The following B3GALT1 variants were observed in gnomAD, a reference collection of about 807,000 sequenced individuals.
The protein encoded by B3GALT1 is UDP-Gal:betaGlcNAc beta 1,3-galactosyltransferase, polypeptide 1.
In B3GALT1, 10 loss-of-function variants were observed where a neutral mutation model predicts 23.2. The observed-to-expected ratio is 0.43, with a 90% CI of 0.27 to 0.73. B3GALT1 has a LOEUF of 0.73. B3GALT1 is among the 30% of genes least tolerant of loss of function. The pLI is 0.21. For synonymous variants in B3GALT1, 156 were observed against 141.5 expected (o/e 1.10, Z -0.73); for missense variants, 299 against 405.4 (o/e 0.74, Z 2.25).
chr2:167,556,748 A>G (rs1055980492), intron 2 of B3GALT1, among the ~76,000 whole-genome samples: 1 of 152,202 alleles, frequency 6.6e-6, no homozygotes, highest in Non-Finnish European at 1.5e-5. Context: ...CGTTCACTGC[A>G]ACTTCATAGA....
At chr2:167,402,983 C>T (rs534717389) in intron 1 of B3GALT1, among the ~76,000 whole-genome samples, 6 of 151,226 alleles carry the variant, frequency 4.0e-5, no homozygotes, top group African/African-American at 1.2e-4. Flanking sequence ...ATTGCATTCA[C>T]CTCTAAATAA....
At chr2:167,415,873 T>A (rs750822210) in intron 1 of B3GALT1, among the ~76,000 whole-genome samples, 6 of 152,164 alleles carry the variant, frequency 3.9e-5, no homozygotes, top group Admixed American at 6.5e-5. Flanking sequence ...TGAATTAGGA[T>A]ATCTGATGGA....
chr2:167,476,314 C>T (rs1201780936), intron 1 of B3GALT1, among the ~76,000 whole-genome samples: 2 of 152,114 alleles, frequency 1.3e-5, no homozygotes, highest in Admixed American at 1.3e-4. Flanking sequence ...AGATTTGGGA[C>T]AGCTAAAAGT....
At chr2:167,351,102 CTA>C (rs1231602861) in intron 1 of B3GALT1, among the ~76,000 whole-genome samples, 1 of 151,984 alleles carries the variant, frequency 6.6e-6, no homozygotes, top group Non-Finnish European at 1.5e-5. Flanking sequence ...AACCCTGTCT[CTA>C]TTAAAAATAT....
chr2:167,551,818 A>G (rs571571050), intron 2 of B3GALT1, among the ~76,000 whole-genome samples: 17 of 152,162 alleles, frequency 1.1e-4, no homozygotes, highest in African/African-American at 3.9e-4. Flanking sequence ...ACCGAAGTAG[A>G]TATGTGAGAA....
chr2:167,457,797 G>A (rs192615966), intron 1 of B3GALT1, among the ~76,000 whole-genome samples: 1 of 152,126 alleles, frequency 6.6e-6, no homozygotes, highest in Admixed American at 6.5e-5. Context: ...AGCAGCACCG[G>A]CAGCACCTGA....
In B3GALT1 at chr2:167,351,355, T is replaced by C. The variant is rs139041612; in HGVS notation, c.-511+58021T>C. On this transcript the variant is annotated intron_variant, in intron 1 of 4. Transcript: ENST00000392690. Reference sequence around the variant, plus strand: ...AGTTTTGTCCTACTGGAGGTGTTTTTGTACAATCTTTCTTACAAGTTCTCC... The same window carrying C: ...AGTTTTGTCCTACTGGAGGTGTTTTCGTACAATCTTTCTTACAAGTTCTCC... 2.7e-3 allele frequency among the ~76,000 whole-genome samples: 407 copies of C among 152,282 alleles called. 3 individuals are homozygous for C. The highest frequency in any genetic ancestry group is 9.3e-3 in the African/African-American group (388 of 41,558).
chr2:167,840,866 G>A (rs1245073532), intron 4 of B3GALT1, among the ~76,000 whole-genome samples: 129 of 147,746 alleles, frequency 8.7e-4, no homozygotes, highest in Non-Finnish European at 1.6e-3. Context: ...ATGAGTTCAT[G>A]TCCTTTGTAG....
At chr2:167,403,838 A>G (rs1698232509) in intron 1 of B3GALT1, among the ~76,000 whole-genome samples, 1 of 152,108 alleles carries the variant, frequency 6.6e-6, no homozygotes, top group South Asian at 2.1e-4. Context: ...CATGATCTTT[A>G]AAAATAGTGT....
chr2:167,740,570 A>G (rs1246260343), intron 3 of B3GALT1, among the ~76,000 whole-genome samples: 1 of 152,216 alleles, frequency 6.6e-6, no homozygotes, highest in Non-Finnish European at 1.5e-5. Context: ...TACTTGGCAA[A>G]TGCATTATAG....
intron 3 of B3GALT1, among the ~76,000 whole-genome samples, chr2:167,755,226 C>A (rs577399862): frequency 6.6e-6 from 1 of 151,938 alleles, no homozygotes; most frequent in Non-Finnish European, 1.5e-5. Flanking sequence ...AAGTAGGATA[C>A]GGATTAAAAT....
At chr2:167,358,706 A>G (rs1697455549) in intron 1 of B3GALT1, among the ~76,000 whole-genome samples, 1 of 152,184 alleles carries the variant, frequency 6.6e-6, no homozygotes. Flanking sequence ...AACACTGTAC[A>G]ATGTAATGTG....
intron 2 of B3GALT1, among the ~76,000 whole-genome samples, chr2:167,589,271 A>G (rs1213571692): frequency 6.6e-6 from 1 of 152,120 alleles, no homozygotes; most frequent in African/African-American, 2.4e-5. Flanking sequence ...AATATGTTAG[A>G]TATGTTTCTT....
At chr2:167,621,464 T>C (rs1208595491) in intron 2 of B3GALT1, among the ~76,000 whole-genome samples, 1 of 152,128 alleles carries the variant, frequency 6.6e-6, no homozygotes, top group Admixed American at 6.6e-5. Context: ...CAGTCATTGA[T>C]GAACCTTTCT....
chr2:167,451,883 G>T (rs1699097928), intron 1 of B3GALT1, among the ~76,000 whole-genome samples: 4 of 152,180 alleles, frequency 2.6e-5, no homozygotes, highest in Admixed American at 2.6e-4. Context: ...GGATGGCGGT[G>T]TGGTTCTCAG....
At chr2:167,769,053 A>G (rs187070214) in intron 3 of B3GALT1, among the ~76,000 whole-genome samples, 90 of 152,298 alleles carry the variant, frequency 5.9e-4, no homozygotes, top group African/African-American at 2.0e-3. Context: ...TTTCTATTGA[A>G]TCTATCTAAT....
intron 1 of B3GALT1, among the ~76,000 whole-genome samples, chr2:167,447,663 G>A (rs767847796): frequency 1.3e-5 from 2 of 152,134 alleles, no homozygotes; most frequent in South Asian, 2.1e-4. Flanking sequence ...CTCTGAGCCA[G>A]GCATGGGATA....
chr2:167,863,994 G>A (rs768143912), intron 4 of B3GALT1, among the ~76,000 whole-genome samples: 5 of 115,646 alleles, frequency 4.3e-5, no homozygotes, highest in African/African-American at 1.4e-4. Context: ...GTATGTATGT[G>A]TGTGTGTGTG....
intron 2 of B3GALT1, among the ~76,000 whole-genome samples, chr2:167,495,683 G>C (rs1237392153): frequency 6.6e-6 from 1 of 152,048 alleles, no homozygotes; most frequent in Admixed American, 6.6e-5. Flanking sequence ...CCCTTCCCCA[G>C]AGTCCCAGAT....
Sources: allele counts gnomAD v4.1 joint callset (sites outside exome capture counted in the v4.1 genomes callset), GRCh38; gene constraint gnomAD v4.1.1; transcripts MANE v1.5; gene names NCBI Gene and HGNC (gene_info 2026-07-23, HGNC 2026-07-21).